Variants in NSMCE2 observed in about 807,000 individuals in gnomAD.
The protein encoded by NSMCE2 is NSE2 SUMO ligase component of SMC5/6 complex, also known as E3 SUMO-protein ligase NSE2.
Under a neutral mutation model 23.8 loss-of-function variants are expected in NSMCE2, and 24 were observed. That is an observed-to-expected ratio of 1.01 (90% CI 0.73 to 1.42). NSMCE2 has a LOEUF of 1.42. Among genes scored for constraint, NSMCE2 ranks in the 40% most tolerant of loss-of-function variants. The probability of loss-of-function intolerance (pLI) is 0.00; values close to 1 mark genes in which losing one functional copy is unlikely to be tolerated. For missense variants in NSMCE2, 284 were observed against 296.5 expected, an observed-to-expected ratio of 0.96 and a Z score of 0.31; for synonymous variants, 92 against 94.1, an observed-to-expected ratio of 0.98 and a Z score of 0.13.
intron 5 of NSMCE2, among the ~76,000 whole-genome samples, chr8:125,226,690 G>A (rs1825111889): frequency 6.6e-6 from 1 of 152,180 alleles, no homozygotes; most frequent in East Asian, 1.9e-4. Context: ...GATTTGGGTA[G>A]TGAAGAGGTG....
intron 5 of NSMCE2, among the ~76,000 whole-genome samples, chr8:125,279,292 T>G (rs1357683883): frequency 6.6e-6 from 1 of 152,200 alleles, no homozygotes; most frequent in Non-Finnish European, 1.5e-5. Flanking sequence ...TTCTTATATA[T>G]ATTGCAAATG....
intron 5 of NSMCE2, among the ~76,000 whole-genome samples, chr8:125,190,877 G>T (rs1162161213): frequency 2.0e-5 from 3 of 152,032 alleles, no homozygotes; most frequent in African/African-American, 7.2e-5. Context: ...ACATTATTAT[G>T]ATTATTTTTT....
chr8:125,121,807 T>C (rs1819276288), intron 3 of NSMCE2, among the ~76,000 whole-genome samples: 1 of 152,198 alleles, frequency 6.6e-6, no homozygotes, highest in South Asian at 2.1e-4. Flanking sequence ...ATCATTACCA[T>C]TATACATATG....
At position 125,218,788 on chromosome 8, in the gene NSMCE2, C is replaced by T. The variant is rs1021476258; in HGVS notation, c.418+36532C>T. Among the ~76,000 whole-genome samples the T allele has an allele frequency of 4.6e-5, 7 of 152,086 alleles. No homozygotes were observed. In the East Asian group the frequency reaches 5.8e-4, roughly 13 times the overall value. On this transcript the variant is annotated intron_variant, in intron 5 of 7. Coordinates refer to ENST00000287437, the MANE Select transcript of NSMCE2 (RefSeq NM_173685.4). ...TAGATAAAGTTTTAGAGATCTGTTT[C>T]GCAACAACATGAATAAACTTGACAC...
chr8:125,311,448 C>T (rs186323041), intron 5 of NSMCE2, among the ~76,000 whole-genome samples: 48 of 152,316 alleles, frequency 3.2e-4, no homozygotes, highest in Admixed American at 1.1e-3. Flanking sequence ...AAAAACATTT[C>T]ATTTGCTCTA....
At chr8:125,144,106 C>T (rs1022898460) in intron 3 of NSMCE2, among the ~76,000 whole-genome samples, 1 of 152,038 alleles carries the variant, frequency 6.6e-6, no homozygotes, top group African/African-American at 2.4e-5. Context: ...TACTGAAGAC[C>T]TGGGGTTGTT....
chr8:125,218,647 G>T (rs952630301), intron 5 of NSMCE2, among the ~76,000 whole-genome samples: 1 of 152,032 alleles, frequency 6.6e-6, no homozygotes, highest in Non-Finnish European at 1.5e-5. Flanking sequence ...CCTGACCTCA[G>T]GTGATCCACC....
chr8:125,212,201 C>T (rs1824378534), intron 5 of NSMCE2, among the ~76,000 whole-genome samples: 1 of 152,110 alleles, frequency 6.6e-6, no homozygotes, highest in South Asian at 2.1e-4. Flanking sequence ...TCTTTGCTAC[C>T]GACTTTTACC....
chr8:125,170,455 G>A (rs1396318712), intron 4 of NSMCE2, among the ~76,000 whole-genome samples: 1 of 132,452 alleles, frequency 7.5e-6, no homozygotes, highest in Non-Finnish European at 1.6e-5. Context: ...GGGCAGGCTG[G>A]AGTGCAAATG....
intron 5 of NSMCE2, among the ~76,000 whole-genome samples, chr8:125,317,433 T>C (rs1247906338): frequency 5.3e-5 from 8 of 151,194 alleles, no homozygotes; most frequent in Admixed American, 1.3e-4. Context: ...CAGAGCTCAA[T>C]TGATCCACCC....
chr8:125,225,401 A>G (rs936429725), intron 5 of NSMCE2, among the ~76,000 whole-genome samples: 3 of 152,218 alleles, frequency 2.0e-5, no homozygotes, highest in African/African-American at 7.2e-5. Flanking sequence ...TTTTGTAGTC[A>G]ACACTGCTAA....
chr8:125,166,189 G>C (rs991123047), intron 4 of NSMCE2, among the ~76,000 whole-genome samples: 3 of 152,032 alleles, frequency 2.0e-5, no homozygotes, highest in Non-Finnish European at 4.4e-5. Context: ...TCATGGATTT[G>C]AAAAAATGTT....
At position 125,177,316 on chromosome 8, in the gene NSMCE2, C is replaced by T. The variant is rs543589014; in HGVS notation, c.265-4787C>T. 3.3e-5 allele frequency among the ~76,000 whole-genome samples: 5 copies of T among 152,282 alleles called. No homozygotes were observed. In the East Asian group the frequency reaches 9.6e-4, roughly 29 times the overall value. On this transcript the variant is annotated intron_variant, in intron 4 of 7. Transcript: ENST00000287437. ...CAACCCAGAGTGGATTCAGATCTGT[C>T]TGATCCCGAGCTCAAAGTTTTTTCT... is the stretch of plus-strand genomic sequence containing the variant.
intron 5 of NSMCE2, among the ~76,000 whole-genome samples, chr8:125,282,431 A>C (rs761474623): frequency 2.6e-4 from 40 of 152,182 alleles, no homozygotes; most frequent in Admixed American, 7.2e-4. Flanking sequence ...TTAATTTTTA[A>C]ATATTAGCTA....
At chr8:125,266,092 C>CT (rs71295827) in intron 5 of NSMCE2, among the ~76,000 whole-genome samples, 64,642 of 132,382 alleles carry the variant, frequency 0.49, 17,387 homozygotes, top group Non-Finnish European at 0.6. Context: ...CAAATTTTTT[C>CT]TTTTTTTTTT....
At chr8:125,246,193 T>C (rs1257451485) in intron 5 of NSMCE2, among the ~76,000 whole-genome samples, 4 of 152,014 alleles carry the variant, frequency 2.6e-5, no homozygotes, top group Non-Finnish European at 5.9e-5. Context: ...TTTTCTTTTT[T>C]TTTTGAGACA....
intron 5 of NSMCE2, among the ~76,000 whole-genome samples, chr8:125,203,359 G>A (rs1823971706): frequency 6.6e-6 from 1 of 152,140 alleles, no homozygotes; most frequent in South Asian, 2.1e-4. Flanking sequence ...TCTAGAAAGA[G>A]GAAGGGAAGG....
chr8:125,363,538 AAGAAAGAG>A (rs777535731), intron 7 of NSMCE2, among the ~76,000 whole-genome samples: 3,738 of 130,978 alleles, frequency 0.029, 71 homozygotes, highest in African/African-American at 0.061. Flanking sequence ...GAAAGAAAGA[AAGAAAGAG>A]AGAGAGAGAG....
intron 5 of NSMCE2, among the ~76,000 whole-genome samples, chr8:125,209,125 T>G (rs182752445): frequency 5.1e-4 from 77 of 152,334 alleles, no homozygotes; most frequent in African/African-American, 1.8e-3. Context: ...TTTTCTATCG[T>G]CAGCTATTTG....
Sources: gnomAD v4.1 joint callset for allele counts (sites outside exome capture counted in the v4.1 genomes callset) on GRCh38, gnomAD v4.1.1 for gene constraint, MANE v1.5 for transcripts, NCBI Gene and HGNC (gene_info 2026-07-23, HGNC 2026-07-21) for gene names.